Variants in FUT9 observed in about 807,000 individuals in gnomAD.
FUT9 encodes the protein 4-galactosyl-N-acetylglucosaminide 3-alpha-L-fucosyltransferase 9.
Under a neutral mutation model 29.7 loss-of-function variants are expected in FUT9, and 15 were observed. The observed-to-expected ratio is 0.51, with a 90% CI of 0.34 to 0.78. The LOEUF (loss-of-function observed/expected upper bound fraction) is 0.78. Ranked by LOEUF, FUT9 falls within the 30% of genes least tolerant of loss-of-function variation. The pLI is 0.01. For missense variants in FUT9, 319 were observed against 425.4 expected (o/e 0.75, Z 2.20); for synonymous variants, 169 against 153.7 (o/e 1.10, Z -0.74).
At chr6:96,041,574 G>A (rs556275763) in intron 1 of FUT9, among the ~76,000 whole-genome samples, 8 of 152,228 alleles carry the variant, frequency 5.3e-5, no homozygotes, top group African/African-American at 1.9e-4. Context: ...TACAAAACCA[G>A]CTGACTGCCC....
chr6:96,041,977 C>T (rs1770469056), intron 1 of FUT9, among the ~76,000 whole-genome samples: 1 of 152,120 alleles, frequency 6.6e-6, no homozygotes, highest in Non-Finnish European at 1.5e-5. Context: ...ATGCTTTTCT[C>T]CTGAACTTTA....
intron 1 of FUT9, among the ~76,000 whole-genome samples, chr6:96,094,703 A>T (rs1562122653): frequency 6.6e-6 from 1 of 152,134 alleles, no homozygotes. Flanking sequence ...TTATTGCTTA[A>T]CCCAGCACTT....
rs138995514 is a variant in FUT9 at position 96,212,037 on chromosome 6, T to C, written c.*7802T>C. ...TCTACAGAAAGTTATGCTAACATGC[T>C]AACTTTCCACACATGGCTGCATTCC... On this transcript the variant is annotated 3_prime_UTR_variant, in exon 3 of 3. Coordinates refer to ENST00000302103, the MANE Select transcript of FUT9 (RefSeq NM_006581.4). 267 of 412,186 alleles carry C rather than the reference T, an allele frequency of 6.5e-4. 2 individuals are homozygous for C. The highest frequency in any genetic ancestry group is 4.9e-3 in the African/African-American group (239 of 48,716). The allele number at this position is 412,186 out of a possible 1,614,324, so 25.5% of individuals were successfully genotyped here.
At chr6:96,201,059 TTTG>T (rs1485288122) in intron 2 of FUT9, among the ~76,000 whole-genome samples, 3 of 151,994 alleles carry the variant, frequency 2.0e-5, no homozygotes. Flanking sequence ...TTTCTTAATT[TTTG>T]TATTTTCCAA....
At chr6:96,165,989 C>T (rs1010537339) in intron 2 of FUT9, among the ~76,000 whole-genome samples, 4 of 151,954 alleles carry the variant, frequency 2.6e-5, no homozygotes, top group Admixed American at 1.3e-4. Context: ...ATTCTAGCTT[C>T]GGCTTGTGGT....
chr6:96,110,760 A>C (rs921239894), intron 1 of FUT9, among the ~76,000 whole-genome samples: 1 of 151,520 alleles, frequency 6.6e-6, no homozygotes, highest in African/African-American at 2.4e-5. Context: ...GGCTCAAGCA[A>C]TCTTCCCACA....
At chr6:96,181,981 T>C (rs1233986047) in intron 2 of FUT9, among the ~76,000 whole-genome samples, 3 of 152,130 alleles carry the variant, frequency 2.0e-5, no homozygotes, top group South Asian at 2.1e-4. Flanking sequence ...GTCCTACTTT[T>C]AGTTCTTTAA....
intron 1 of FUT9, among the ~76,000 whole-genome samples, chr6:96,049,112 T>C (rs556389019): frequency 1.3e-5 from 2 of 152,274 alleles, no homozygotes; most frequent in East Asian, 3.9e-4. Context: ...AAGGGAAAAT[T>C]ATGGAATGGA....
Position 96,214,190 on chromosome 6 carries a change from T to C in FUT9, c.*9955T>C, listed in dbSNP as rs1773993235. On this transcript the variant is annotated 3_prime_UTR_variant, in exon 3 of 3. Coordinates refer to ENST00000302103, the MANE Select transcript of FUT9 (RefSeq NM_006581.4). ...TTTGTTGGCAAGTGATACAATTTAC[T>C]GTATAACAACTTAATAGTACAAAGC... The C allele has an allele frequency of 6.0e-6, 1 of 166,904 alleles. No homozygotes were observed. The highest frequency in any genetic ancestry group is 1.5e-5 in the Non-Finnish European group (1 of 68,052). 10.3% of individuals were successfully genotyped at this position (166,904 alleles called of 1,614,324 possible). A position where few individuals can be genotyped will look rare whatever the true frequency, so the allele number is the denominator to read the frequency against.
intron 1 of FUT9, among the ~76,000 whole-genome samples, chr6:96,032,017 A>G (rs1260279976): frequency 6.6e-6 from 1 of 151,630 alleles, no homozygotes; most frequent in East Asian, 1.9e-4. Flanking sequence ...AGACCTGTGT[A>G]CCAAGACTGC....
intron 1 of FUT9, among the ~76,000 whole-genome samples, chr6:96,110,207 C>T (rs1771772337): frequency 6.6e-6 from 1 of 152,140 alleles, no homozygotes; most frequent in South Asian, 2.1e-4. Flanking sequence ...TCAGCCTGCC[C>T]TTGATCTTGG....
At chr6:96,141,801 A>C (rs1772468780) in intron 2 of FUT9, among the ~76,000 whole-genome samples, 1 of 152,202 alleles carries the variant, frequency 6.6e-6, no homozygotes, top group Non-Finnish European at 1.5e-5. Flanking sequence ...TCCCACTGGC[A>C]CAGTACTACT....
chr6:96,030,814 G>A (rs896934879), intron 1 of FUT9, among the ~76,000 whole-genome samples: 1 of 151,282 alleles, frequency 6.6e-6, no homozygotes, highest in African/African-American at 2.4e-5. Context: ...TTGAACTACT[G>A]CCCAGTGAAA....
chr6:96,028,364 A>G (rs971334634), intron 1 of FUT9, among the ~76,000 whole-genome samples: 1 of 151,604 alleles, frequency 6.6e-6, no homozygotes, highest in Non-Finnish European at 1.5e-5. Context: ...TTTGGCCAGT[A>G]TTTTTAATGG....
intron 2 of FUT9, among the ~76,000 whole-genome samples, chr6:96,136,706 A>C (rs567119923): frequency 6.6e-6 from 1 of 152,114 alleles, no homozygotes; most frequent in African/African-American, 2.4e-5. Flanking sequence ...AGAAGAGAGC[A>C]AATTTTATTC....
intron 2 of FUT9, among the ~76,000 whole-genome samples, chr6:96,202,394 G>A (rs938132545): frequency 1.2e-4 from 19 of 152,020 alleles, no homozygotes; most frequent in African/African-American, 3.9e-4. Flanking sequence ...AAGTGAGAAC[G>A]TTTTTCCAAT....
chr6:96,091,248 T>C (rs1771406984), intron 1 of FUT9, among the ~76,000 whole-genome samples: 1 of 152,070 alleles, frequency 6.6e-6, no homozygotes, highest in Non-Finnish European at 1.5e-5. Context: ...CCCATAAATG[T>C]TTAACCTAAA....
Position 96,204,808 on chromosome 6 carries a change from A to T in FUT9, c.*573A>T, listed in dbSNP as rs1022845824. The stretch of plus-strand genomic sequence containing the variant: ...TATTCATGGAGTGAATAAGAAAGAT[A>T]TGAAGCAGAACTGTTCTATTCGGGA... On this transcript the variant is annotated 3_prime_UTR_variant, in exon 3 of 3. Coordinates refer to ENST00000302103, the MANE Select transcript of FUT9 (RefSeq NM_006581.4). The T allele has an allele frequency of 3.6e-5, 6 of 166,678 alleles. No homozygotes were observed. 10.3% of individuals were successfully genotyped at this position (166,678 alleles called of 1,614,324 possible).
chr6:96,121,711 T>A (rs1772031904), intron 2 of FUT9, among the ~76,000 whole-genome samples: 1 of 152,190 alleles, frequency 6.6e-6, no homozygotes, highest in Non-Finnish European at 1.5e-5. Context: ...CATTCCTTTT[T>A]AATTCATGTC....
Sources: gnomAD v4.1 joint callset for allele counts (sites outside exome capture counted in the v4.1 genomes callset) on GRCh38, gnomAD v4.1.1 for gene constraint, MANE v1.5 for transcripts, NCBI Gene and HGNC (gene_info 2026-07-23, HGNC 2026-07-21) for gene names.